SCLT1: variants seen among roughly 807,000 people sequenced by gnomAD.
The protein encoded by SCLT1 is sodium channel and clathrin linker 1.
Under a neutral mutation model 112.8 loss-of-function variants are expected in SCLT1, and 78 were observed. The ratio of observed to expected loss-of-function variants is 0.69; its 90% CI spans 0.58 to 0.83. The LOEUF (loss-of-function observed/expected upper bound fraction) is 0.83, where lower values mean the gene tolerates loss of function less well. SCLT1 is among the 40% of genes least tolerant of loss of function. The probability of loss-of-function intolerance (pLI) is 0.00; values close to 1 mark genes in which losing one functional copy is unlikely to be tolerated. For missense variants in SCLT1, 747 were observed against 770.4 expected, an observed-to-expected ratio of 0.97 and a Z score of 0.36; for synonymous variants, 257 against 254.7, an observed-to-expected ratio of 1.01 and a Z score of -0.09.
chr4:128,951,625 C>A (rs183787291), intron 14 of SCLT1, among the ~76,000 whole-genome samples: 2 of 152,160 alleles, frequency 1.3e-5, no homozygotes, highest in Admixed American at 1.3e-4. Context: ...TACCCTTCTA[C>A]TCCTCTTTTT....
intron 2 of SCLT1, among the ~76,000 whole-genome samples, chr4:129,046,213 G>A (rs1748163541): frequency 6.6e-6 from 1 of 152,024 alleles, no homozygotes; most frequent in Non-Finnish European, 1.5e-5. Flanking sequence ...ATTTTGCACA[G>A]TTCTGTGGAA....
intron 2 of SCLT1, among the ~76,000 whole-genome samples, chr4:129,055,468 G>C (rs1749272195): frequency 6.6e-6 from 1 of 152,156 alleles, no homozygotes; most frequent in Admixed American, 6.6e-5. Flanking sequence ...CTTTCTTTCA[G>C]AGATACCCTA....
intron 4 of SCLT1, among the ~76,000 whole-genome samples, chr4:128,876,224 G>GA (rs1397386638): frequency 6.6e-6 from 1 of 152,080 alleles, no homozygotes; most frequent in Non-Finnish European, 1.5e-5. Flanking sequence ...CAGTTTAAAA[G>GA]AAAAAACAAT....
intron 8 of SCLT1, 22 bp downstream of exon 8, chr4:128,997,852 T>A: frequency 1.7e-6 from 2 of 1,167,460 alleles, no homozygotes; most frequent in South Asian, 3.1e-5. Flanking sequence ...AATTTCTAGT[T>A]TATATAAATA....
At chr4:128,920,090 A>C (rs1735767038) in intron 18 of SCLT1, among the ~76,000 whole-genome samples, 1 of 152,170 alleles carries the variant, frequency 6.6e-6, no homozygotes, top group South Asian at 2.1e-4. Context: ...CAAAGACACA[A>C]GAAAAAAAGA....
chr4:128,977,390 G>A (rs1403181515), intron 9 of SCLT1, among the ~76,000 whole-genome samples: 3 of 152,046 alleles, frequency 2.0e-5, no homozygotes, highest in Non-Finnish European at 4.4e-5. Context: ...TGCACCATAC[G>A]AAGCACTGTC....
intron 9 of SCLT1, among the ~76,000 whole-genome samples, chr4:128,980,610 G>A (rs376114256): frequency 6.6e-6 from 1 of 152,030 alleles, no homozygotes; most frequent in East Asian, 1.9e-4. Context: ...AATGTCGAGA[G>A]AGCACTAAAC....
intron 14 of SCLT1, among the ~76,000 whole-genome samples, chr4:128,949,858 T>G (rs536007647): frequency 1.3e-5 from 2 of 151,276 alleles, no homozygotes; most frequent in Non-Finnish European, 2.9e-5. Flanking sequence ...TTTTTTTTTT[T>G]CCCCTAATTG....
At chr4:129,014,268 A>G (rs1181183438) in intron 5 of SCLT1, among the ~76,000 whole-genome samples, 1 of 152,048 alleles carries the variant, frequency 6.6e-6, no homozygotes, top group African/African-American at 2.4e-5. Context: ...CTGTAGCTCA[A>G]TGATCTTCGT....
intron 19 of SCLT1, among the ~76,000 whole-genome samples, chr4:128,889,527 C>T (rs995615282): frequency 6.6e-6 from 1 of 152,196 alleles, no homozygotes; most frequent in African/African-American, 2.4e-5. Flanking sequence ...CAATTTTGGA[C>T]TTCTAGCCTC....
chr4:128,891,643 C>CTTTTT (rs5861870), intron 18 of SCLT1, among the ~76,000 whole-genome samples: 5 of 119,526 alleles, frequency 4.2e-5, no homozygotes, highest in Non-Finnish European at 5.2e-5. Context: ...CTATAATATG[C>CTTTTT]TTTTTTTTTT....
chr4:129,001,714 G>A (rs1743503126), intron 6 of SCLT1, among the ~76,000 whole-genome samples: 1 of 151,820 alleles, frequency 6.6e-6, no homozygotes, highest in Non-Finnish European at 1.5e-5. Flanking sequence ...ATTAAGCTAG[G>A]TACTTAGCAT....
intron 5 of SCLT1, among the ~76,000 whole-genome samples, chr4:129,028,297 C>G (rs1307314500): frequency 6.6e-6 from 1 of 151,092 alleles, no homozygotes; most frequent in Non-Finnish European, 1.5e-5. Context: ...CTACAGTAAC[C>G]AAAACAGCAT....
chr4:129,003,897 A>G, intron 5 of SCLT1, 21 bp from the exon 6 acceptor site: 2 of 1,606,318 alleles, frequency 1.2e-6, no homozygotes, highest in Non-Finnish European at 8.5e-7. Flanking sequence ...AATAGTTAAC[A>G]TGATAGCCTC....
chr4:128,961,901 C>T (rs1285131986), intron 11 of SCLT1, among the ~76,000 whole-genome samples: 1 of 152,154 alleles, frequency 6.6e-6, no homozygotes, highest in African/African-American at 2.4e-5. Flanking sequence ...TTTCTACTTT[C>T]CATTTGGCTA....
chr4:128,955,674 A>G (rs1196983445), intron 13 of SCLT1, among the ~76,000 whole-genome samples: 1 of 152,210 alleles, frequency 6.6e-6, no homozygotes, highest in African/African-American at 2.4e-5. Context: ...GAACAATGCT[A>G]AAAATAGTGC....
At chr4:129,031,987 T>G (rs935917800) in intron 5 of SCLT1, among the ~76,000 whole-genome samples, 1 of 152,120 alleles carries the variant, frequency 6.6e-6, no homozygotes, top group South Asian at 2.1e-4. Flanking sequence ...AGAGCCCATA[T>G]AGCCAAGACA....
intron 1 of SCLT1, among the ~76,000 whole-genome samples, chr4:129,085,733 G>A (rs965963662): frequency 1.3e-5 from 2 of 152,132 alleles, no homozygotes; most frequent in Non-Finnish European, 2.9e-5. Flanking sequence ...TGGAGCTGGA[G>A]ACCATTATCC....
At chr4:129,059,714 T>C (rs1749779607) in intron 2 of SCLT1, among the ~76,000 whole-genome samples, 1 of 152,216 alleles carries the variant, frequency 6.6e-6, no homozygotes, top group African/African-American at 2.4e-5. Flanking sequence ...AGAAATGCTG[T>C]TGGTCTAATT....
Sources: allele counts gnomAD v4.1 joint callset (sites outside exome capture counted in the v4.1 genomes callset), GRCh38; gene constraint gnomAD v4.1.1; transcripts MANE v1.5; gene names NCBI Gene and HGNC (gene_info 2026-07-23, HGNC 2026-07-21).